The following ARMC1 variants were observed in gnomAD, a reference collection of about 807,000 sequenced individuals.
ARMC1 encodes the protein armadillo repeat containing 1.
Under a neutral mutation model 31.4 loss-of-function variants are expected in ARMC1, and 16 were observed. That is an observed-to-expected ratio of 0.51 (90% CI 0.34 to 0.77). The LOEUF (loss-of-function observed/expected upper bound fraction) is 0.77. Among genes scored for constraint, ARMC1 ranks in the 30% least tolerant of loss-of-function variants. The pLI, the probability that ARMC1 is intolerant of heterozygous loss-of-function variation, is 0.01. For missense variants in ARMC1, 259 were observed against 347.5 expected (o/e 0.75, Z 2.02); for synonymous variants, 114 against 118.9 (o/e 0.96, Z 0.27).
intron 4 of ARMC1, among the ~76,000 whole-genome samples, chr8:65,609,390 T>A (rs1423719994): frequency 6.6e-6 from 1 of 152,202 alleles, no homozygotes; most frequent in South Asian, 2.1e-4. Flanking sequence ...ATTTTATATA[T>A]CTTAAGATCT....
At chr8:65,632,045 T>G (rs1038480338) in intron 1 of ARMC1, among the ~76,000 whole-genome samples, 20 of 152,364 alleles carry the variant, frequency 1.3e-4, no homozygotes, top group Admixed American at 1.2e-3. Flanking sequence ...TTGCCCAGGC[T>G]GGATGGCAGT....
intron 1 of ARMC1, among the ~76,000 whole-genome samples, chr8:65,628,281 G>A (rs565367390): frequency 3.3e-5 from 5 of 151,224 alleles, no homozygotes; most frequent in Non-Finnish European, 7.4e-5. Context: ...AGACAGAGTC[G>A]CATTCTGTCA....
intron 4 of ARMC1, among the ~76,000 whole-genome samples, chr8:65,609,882 G>GAAAAAGGAAA (rs1554540461): frequency 5.9e-5 from 7 of 118,828 alleles, no homozygotes; most frequent in African/African-American, 1.9e-4. Context: ...AAAAAGAAAA[G>GAAAAAGGAAA]AAAAAGAAAA....
At chr8:65,627,009 A>T (rs977464046) in intron 2 of ARMC1, among the ~76,000 whole-genome samples, 4 of 151,554 alleles carry the variant, frequency 2.6e-5, no homozygotes, top group Admixed American at 1.3e-4. Context: ...ACTCAAAAAA[A>T]AAAAAATAAA....
intron 4 of ARMC1, among the ~76,000 whole-genome samples, chr8:65,606,409 T>G (rs1408121605): frequency 6.6e-6 from 1 of 151,152 alleles, no homozygotes; most frequent in Admixed American, 6.6e-5. Context: ...ATCCACACAC[T>G]AGCCTAAAAA....
rs1340286273 is a variant in ARMC1, at chr8:65,603,591, T to C, written c.*803A>G. On this transcript the variant is annotated 3_prime_UTR_variant, in exon 7 of 7. Coordinates refer to ENST00000276569, the MANE Select transcript of ARMC1 (RefSeq NM_018120.6). ...CAAAGTAAGGCCTAGAGACCATTTATAGTTGTTTGCAATATCATGATCACA... is the reference window on the plus strand; with the variant it reads ...CAAAGTAAGGCCTAGAGACCATTTACAGTTGTTTGCAATATCATGATCACA... The C allele has an allele frequency of 2.0e-5, 3 of 152,212 alleles. No homozygotes were observed. Among genetic ancestry groups the C allele is most frequent in the South Asian group, 2.1e-4 (1 of 4,838 alleles). 9.4% of individuals were successfully genotyped at this position (152,212 alleles called of 1,614,324 possible).
chr8:65,628,330 C>T (rs1245516130), intron 1 of ARMC1, among the ~76,000 whole-genome samples: 1 of 150,714 alleles, frequency 6.6e-6, no homozygotes, highest in Non-Finnish European at 1.5e-5. Flanking sequence ...CAGCTCACTA[C>T]AACCTCCGCC....
chr8:65,616,855 G>A (rs563774255), intron 3 of ARMC1, among the ~76,000 whole-genome samples: 20 of 149,132 alleles, frequency 1.3e-4, no homozygotes, highest in Middle Eastern at 3.6e-3. Flanking sequence ...CCCTCCACCC[G>A]GCAGCCGCCC....
intron 3 of ARMC1, among the ~76,000 whole-genome samples, chr8:65,616,905 C>G (rs1168449452): frequency 6.6e-6 from 1 of 151,578 alleles, no homozygotes; most frequent in Non-Finnish European, 1.5e-5. Flanking sequence ...GGCAGCCGCC[C>G]CGTCTGAGAA....
intron 2 of ARMC1, among the ~76,000 whole-genome samples, chr8:65,623,786 C>CTTTTT (rs201008780): frequency 0.13 from 3,392 of 25,842 alleles, 720 homozygotes; most frequent in African/African-American, 0.21. Flanking sequence ...AAAGTAAAAT[C>CTTTTT]TTTTTTTTTT....
chr8:65,632,156 T>C (rs1042144271), intron 1 of ARMC1, among the ~76,000 whole-genome samples: 2 of 152,136 alleles, frequency 1.3e-5, no homozygotes, highest in African/African-American at 4.8e-5. Context: ...CTCTGTAAGA[T>C]GGCCAGGTAC....
At chr8:65,609,932 A>G (rs1423065275) in intron 4 of ARMC1, among the ~76,000 whole-genome samples, 1 of 151,784 alleles carries the variant, frequency 6.6e-6, no homozygotes, top group Non-Finnish European at 1.5e-5. Context: ...TGGCATTGCT[A>G]AAGAGGTAAG....
At chr8:65,612,491 C>G (rs1210803462) in intron 4 of ARMC1, among the ~76,000 whole-genome samples, 1 of 151,968 alleles carries the variant, frequency 6.6e-6, no homozygotes, top group Admixed American at 6.6e-5. Flanking sequence ...AAATGTGTCA[C>G]TTAGTTTTAC....
At chr8:65,610,312 T>A (rs1385868567) in intron 4 of ARMC1, among the ~76,000 whole-genome samples, 1 of 151,394 alleles carries the variant, frequency 6.6e-6, no homozygotes, top group African/African-American at 2.4e-5. Flanking sequence ...TTGGCCAGGC[T>A]GGTCTTGAAC....
At chr8:65,608,837 A>G (rs1808060152) in intron 4 of ARMC1, among the ~76,000 whole-genome samples, 1 of 151,736 alleles carries the variant, frequency 6.6e-6, no homozygotes, top group African/African-American at 2.4e-5. Flanking sequence ...TGAACCTGGG[A>G]GGTGGACGTT....
intron 2 of ARMC1, 90 bp downstream of exon 2, chr8:65,627,125 GT>G (rs770576186): frequency 3.4e-5 from 43 of 1,267,370 alleles, no homozygotes; most frequent in South Asian, 2.5e-4. Flanking sequence ...CTCTCTTTCC[GT>G]TTTTTTACCT....
intron 2 of ARMC1, among the ~76,000 whole-genome samples, chr8:65,624,706 A>G (rs1585718275): frequency 6.6e-6 from 1 of 152,264 alleles, no homozygotes; most frequent in East Asian, 1.9e-4. Context: ...ATTTAAAGGT[A>G]GGCTGTAAGA....
chr8:65,628,712 C>T (rs1808569669), intron 1 of ARMC1, among the ~76,000 whole-genome samples: 1 of 149,396 alleles, frequency 6.7e-6, no homozygotes, highest in African/African-American at 2.5e-5. Context: ...ACAAAATTAG[C>T]CGGGCATGGT....
At chr8:65,629,816 A>C (rs865906364) in intron 1 of ARMC1, among the ~76,000 whole-genome samples, 2,687 of 149,904 alleles carry the variant, frequency 0.018, 28 homozygotes, top group African/African-American at 0.025. Context: ...AAAAAAAAAA[A>C]AATCAAAACA....
Sources: allele counts gnomAD v4.1 joint callset (sites outside exome capture counted in the v4.1 genomes callset), GRCh38; gene constraint gnomAD v4.1.1; transcripts MANE v1.5; gene names NCBI Gene and HGNC (gene_info 2026-07-23, HGNC 2026-07-21).